Variants in ADAMTSL1 observed in about 807,000 individuals in gnomAD.
The protein encoded by ADAMTSL1 is ADAMTS-like protein 1.
In ADAMTSL1, 126 loss-of-function variants were observed where a neutral mutation model predicts 201.8. The observed-to-expected ratio is 0.62, with a 90% CI of 0.54 to 0.72. The LOEUF is 0.72. Ranked by LOEUF, ADAMTSL1 falls within the 30% of genes least tolerant of loss-of-function variation. ADAMTSL1 has a pLI of 0.00. For synonymous variants in ADAMTSL1, 1,121 were observed against 903.4 expected (o/e 1.24, Z -4.32); for missense variants, 2,679 against 2,277.8 (o/e 1.18, Z -3.59).
intron 2 of ADAMTSL1, among the ~76,000 whole-genome samples, chr9:18,260,774 C>G (rs1443376764): frequency 6.6e-6 from 1 of 152,176 alleles, no homozygotes; most frequent in African/African-American, 2.4e-5. Context: ...GAATTGGTGC[C>G]AGGCCACTTA....
intron 23 of ADAMTSL1, among the ~76,000 whole-genome samples, chr9:18,883,452 AT>A (rs1272704737): frequency 6.6e-6 from 1 of 152,184 alleles, no homozygotes; most frequent in Non-Finnish European, 1.5e-5. Flanking sequence ...GATACATAAA[AT>A]TTACAATTTC....
intron 1 of ADAMTSL1, among the ~76,000 whole-genome samples, chr9:18,060,456 G>A (rs1185755423): frequency 1.3e-5 from 2 of 152,112 alleles, no homozygotes; most frequent in African/African-American, 4.8e-5. Context: ...TCCACTGAGG[G>A]TCAGAGTCTG....
At chr9:17,982,905 T>C (rs1818768261) in intron 1 of ADAMTSL1, among the ~76,000 whole-genome samples, 1 of 151,828 alleles carries the variant, frequency 6.6e-6, no homozygotes, top group African/African-American at 2.4e-5. Context: ...GAGCAGAGGT[T>C]CTCAATCCTG....
At chr9:18,211,133 C>T (rs188626670) in intron 2 of ADAMTSL1, among the ~76,000 whole-genome samples, 173 of 152,250 alleles carry the variant, frequency 1.1e-3, no homozygotes, top group African/African-American at 3.9e-3. Flanking sequence ...TTAAACACTC[C>T]TAATTTATTT....
intron 2 of ADAMTSL1, among the ~76,000 whole-genome samples, chr9:18,452,192 C>A (rs1006999222): frequency 6.6e-5 from 10 of 152,164 alleles, no homozygotes; most frequent in Non-Finnish European, 1.2e-4. Context: ...GGATTACAGG[C>A]ATGAGCCACC....
At chr9:18,690,006 A>G (rs924275474) in intron 13 of ADAMTSL1, among the ~76,000 whole-genome samples, 5 of 152,208 alleles carry the variant, frequency 3.3e-5, no homozygotes, top group African/African-American at 1.2e-4. Flanking sequence ...AAAAGAAGAC[A>G]AAGAGGAAGA....
intron 1 of ADAMTSL1, among the ~76,000 whole-genome samples, chr9:17,988,714 T>G (rs914595786): frequency 1.3e-5 from 2 of 152,022 alleles, no homozygotes; most frequent in African/African-American, 4.8e-5. Context: ...AGCATGAATG[T>G]GTTACTGCTT....
At chr9:18,691,174 T>C (rs1004110328) in intron 13 of ADAMTSL1, among the ~76,000 whole-genome samples, 1 of 152,226 alleles carries the variant, frequency 6.6e-6, no homozygotes, top group Non-Finnish European at 1.5e-5. Flanking sequence ...AGGAGACTTA[T>C]TTATTGAATT....
intron 2 of ADAMTSL1, among the ~76,000 whole-genome samples, chr9:18,319,301 TG>T (rs1444938088): frequency 6.6e-6 from 1 of 152,194 alleles, no homozygotes; most frequent in Non-Finnish European, 1.5e-5. Context: ...TCCTAAATCA[TG>T]TGGAAATGTC....
intron 1 of ADAMTSL1, among the ~76,000 whole-genome samples, chr9:18,121,628 T>G (rs1230493377): frequency 6.6e-6 from 1 of 152,238 alleles, no homozygotes; most frequent in East Asian, 1.9e-4. Flanking sequence ...TTTTTATTAA[T>G]ATTTTGACTT....
chr9:18,635,399 C>T (rs1055231656), intron 5 of ADAMTSL1, among the ~76,000 whole-genome samples: 1 of 151,762 alleles, frequency 6.6e-6, no homozygotes, highest in Non-Finnish European at 1.5e-5. Flanking sequence ...TTAAGAAACA[C>T]TTATGGGGTG....
chr9:18,533,921 C>T (rs1282814416), intron 3 of ADAMTSL1, among the ~76,000 whole-genome samples: 1 of 152,132 alleles, frequency 6.6e-6, no homozygotes, highest in African/African-American at 2.4e-5. Context: ...GCTTGGAGGA[C>T]TGTGACTAGC....
At chr9:18,717,485 T>G (rs976056003) in intron 14 of ADAMTSL1, among the ~76,000 whole-genome samples, 2 of 152,114 alleles carry the variant, frequency 1.3e-5, no homozygotes, top group Non-Finnish European at 2.9e-5. Context: ...AATAGTGACC[T>G]TAAATTTCTT....
chr9:18,015,579 T>C (rs1234968363), intron 1 of ADAMTSL1, among the ~76,000 whole-genome samples: 2 of 152,070 alleles, frequency 1.3e-5, no homozygotes, highest in Non-Finnish European at 2.9e-5. Context: ...AGTCTTGCTA[T>C]GACCTAGTCA....
At chr9:18,793,132 AAATC>A (rs1822158751) in intron 19 of ADAMTSL1, 1 of 152,246 alleles carries the variant, frequency 6.6e-6, no homozygotes, top group Admixed American at 6.5e-5. Context: ...AATCAAGCAC[AAATC>A]ATTCAAAAAC....
chr9:18,103,029 T>G (rs1004646395), intron 1 of ADAMTSL1, among the ~76,000 whole-genome samples: 4 of 152,130 alleles, frequency 2.6e-5, no homozygotes. Context: ...TCCCTATACG[T>G]GGGTTCTTAT....
At chr9:18,404,778 G>C (rs1048608056) in intron 2 of ADAMTSL1, among the ~76,000 whole-genome samples, 1 of 152,140 alleles carries the variant, frequency 6.6e-6, no homozygotes, top group Admixed American at 6.5e-5. Flanking sequence ...AGTTGCAAAG[G>C]CTCCCATTAC....
At chr9:18,788,363 T>C (rs1821823659) in intron 19 of ADAMTSL1, among the ~76,000 whole-genome samples, 1 of 152,056 alleles carries the variant, frequency 6.6e-6, no homozygotes, top group Admixed American at 6.6e-5. Flanking sequence ...ACTACAAACC[T>C]TGACGTTAAT....
intron 2 of ADAMTSL1, among the ~76,000 whole-genome samples, chr9:18,297,621 C>G (rs949698771): frequency 1.3e-5 from 2 of 152,208 alleles, no homozygotes; most frequent in Non-Finnish European, 2.9e-5. Flanking sequence ...CTCAGGTGAA[C>G]CTGCGGTTGC....
Sources: allele counts gnomAD v4.1 joint callset (sites outside exome capture counted in the v4.1 genomes callset), GRCh38; gene constraint gnomAD v4.1.1; transcripts MANE v1.5; gene names NCBI Gene and HGNC (gene_info 2026-07-23, HGNC 2026-07-21).